Variants in FER1L6 observed in about 807,000 individuals in gnomAD.
The protein encoded by FER1L6 is fer-1 like family member 6.
A neutral mutation model predicts 219.2 loss-of-function variants in FER1L6; 177 were observed. The observed-to-expected ratio is 0.81, with a 90% CI of 0.71 to 0.91. The LOEUF is 0.91. FER1L6 is among the 40% of genes least tolerant of loss of function. The probability of loss-of-function intolerance (pLI) is 0.00; values close to 1 mark genes in which losing one functional copy is unlikely to be tolerated. For missense variants in FER1L6, 2,153 were observed against 2,259.9 expected, an observed-to-expected ratio of 0.95 and a Z score of 0.96; for synonymous variants, 768 against 824.3, an observed-to-expected ratio of 0.93 and a Z score of 1.17.
At chr8:123,855,325 C>A (rs867789292) in intron 1 of FER1L6, among the ~76,000 whole-genome samples, 1 of 152,110 alleles carries the variant, frequency 6.6e-6, no homozygotes, top group Non-Finnish European at 1.5e-5. Flanking sequence ...TTTAAAACTG[C>A]GAGCTCCTGG....
At chr8:123,976,914 C>T (rs892554518) in intron 9 of FER1L6, among the ~76,000 whole-genome samples, 3 of 152,230 alleles carry the variant, frequency 2.0e-5, no homozygotes, top group Non-Finnish European at 4.4e-5. Flanking sequence ...TTTGAAGCTT[C>T]AACTCACACA....
intron 8 of FER1L6, 55 bp from the exon 9 acceptor site, chr8:123,975,843 C>A: frequency 7.0e-7 from 1 of 1,425,040 alleles, no homozygotes; most frequent in South Asian, 1.5e-5. Flanking sequence ...CCTGTCTTTT[C>A]TCTCTGTTTC....
chr8:124,024,668 A>C (rs1818625834), intron 18 of FER1L6, among the ~76,000 whole-genome samples: 1 of 152,194 alleles, frequency 6.6e-6, no homozygotes, highest in Non-Finnish European at 1.5e-5. Flanking sequence ...TACAATAAAC[A>C]TATACGTGCT....
chr8:123,876,023 G>C (rs1344696531), intron 1 of FER1L6, among the ~76,000 whole-genome samples: 2 of 152,122 alleles, frequency 1.3e-5, no homozygotes, highest in African/African-American at 4.8e-5. Flanking sequence ...ATGTCACTCT[G>C]CTTCTAAAAG....
intron 1 of FER1L6, among the ~76,000 whole-genome samples, chr8:123,927,221 G>A (rs1813597329): frequency 6.6e-6 from 1 of 150,530 alleles, no homozygotes; most frequent in Non-Finnish European, 1.5e-5. Flanking sequence ...CTAGAAGTGA[G>A]TCAGATAGCT....
intron 22 of FER1L6, among the ~76,000 whole-genome samples, chr8:124,059,960 T>A (rs1173129622): frequency 3.9e-5 from 6 of 152,204 alleles, no homozygotes; most frequent in African/African-American, 1.4e-4. Flanking sequence ...TTGTGGTACA[T>A]CTTAAGTGCT....
rs996221404 is a variant in FER1L6 at position 123,853,991 on chromosome 8, G to C, written c.-8+1806G>C. On this transcript the variant is annotated intron_variant, in intron 1 of 40. Coordinates refer to ENST00000522917, the MANE Select transcript of FER1L6 (RefSeq NM_001039112.2). This position sits in a 1 kb window ranked among gnomAD's most constrained non-coding sequence, Gnocchi z 6.6. ...AGGGAAGCATCAGGGACCGTGATTAGAAAGTTTACGTCTGAGTGCTGGCCC... is the reference window on the plus strand; with the variant it reads ...AGGGAAGCATCAGGGACCGTGATTACAAAGTTTACGTCTGAGTGCTGGCCC... Among the ~76,000 whole-genome samples, 7 of 152,166 alleles carry C rather than the reference G, an allele frequency of 4.6e-5. No homozygotes were observed. Among genetic ancestry groups the C allele is most frequent in the African/African-American group, 1.4e-4 (6 of 41,432 alleles).
At chr8:123,963,763 T>C (rs754650619) in intron 3 of FER1L6, among the ~76,000 whole-genome samples, 79 of 152,200 alleles carry the variant, frequency 5.2e-4, no homozygotes, top group Admixed American at 1.4e-3. Flanking sequence ...AATCAGAAGG[T>C]GGTTCTTATG....
At chr8:124,045,927 G>T in intron 21 of FER1L6, 26 bp downstream of exon 21, 1 of 1,607,622 alleles carries the variant, frequency 6.2e-7, no homozygotes, top group South Asian at 1.1e-5. Flanking sequence ...GGCCAGTGCT[G>T]ACCACACCTC....
In FER1L6 at chr8:124,035,258, T is replaced by C. The variant is rs768168436; in HGVS notation, c.2287-19T>C. On this transcript the variant is annotated intron_variant, in intron 18 of 40. Transcript: ENST00000522917. ...TATCTCCTACTAATAAGTCAGTCTT[T>C]TTTGTAACCTTTCTCCAGCCTCCTG... The C allele has an allele frequency of 8.1e-6, 13 of 1,608,058 alleles. No individual in the cohort carries two copies. Among genetic ancestry groups the C allele is most frequent in the Admixed American group, 6.8e-5 (4 of 58,924 alleles).
At chr8:123,897,035 G>A (rs1812756036) in intron 1 of FER1L6, among the ~76,000 whole-genome samples, 1 of 152,082 alleles carries the variant, frequency 6.6e-6, no homozygotes, top group Admixed American at 6.6e-5. Context: ...TCTTTATTTG[G>A]TCACCCTTGA....
chr8:123,868,611 G>T (rs375625013), intron 1 of FER1L6, among the ~76,000 whole-genome samples: 4 of 152,118 alleles, frequency 2.6e-5, no homozygotes, highest in Non-Finnish European at 4.4e-5. Context: ...GCCCTCAAGT[G>T]ACCCCACTGC....
At position 123,965,926 on chromosome 8, in the gene FER1L6, A is replaced by G. The variant is rs1010948085; in HGVS notation, c.198-81A>G. 2.8e-5 allele frequency: 34 copies of G among 1,228,954 alleles called. No homozygotes were observed. The Admixed American group carries it at 6.7e-4, about 24-fold the overall frequency. 76.1% of individuals were successfully genotyped at this position (1,228,954 alleles called of 1,614,324 possible). On this transcript the variant is annotated intron_variant, in intron 3 of 40. Transcript: ENST00000522917. ...GTAATAATATTAAATGAAAGGACTT[A>G]GAAATACTTTGGAGAATATTATCAT... is the stretch of plus-strand genomic sequence containing the variant.
intron 39 of FER1L6, among the ~76,000 whole-genome samples, chr8:124,114,152 T>A (rs1295539195): frequency 6.6e-6 from 1 of 152,188 alleles, no homozygotes; most frequent in Admixed American, 6.5e-5. Flanking sequence ...TTTCTCCATT[T>A]ATTGGTTGGC....
chr8:123,855,776 A>G (rs574234217), intron 1 of FER1L6, among the ~76,000 whole-genome samples: 196 of 146,588 alleles, frequency 1.3e-3, no homozygotes, highest in African/African-American at 4.6e-3. Flanking sequence ...GTGTATATAT[A>G]TGTGTGTGTG....
intron 22 of FER1L6, among the ~76,000 whole-genome samples, chr8:124,054,332 A>G (rs746026635): frequency 1.3e-5 from 2 of 152,228 alleles, no homozygotes; most frequent in African/African-American, 2.4e-5. Flanking sequence ...TACAGTGACA[A>G]GAAAGCTTGA....
intron 1 of FER1L6, among the ~76,000 whole-genome samples, chr8:123,908,635 G>A (rs745470545): frequency 3.3e-5 from 5 of 152,138 alleles, no homozygotes; most frequent in Non-Finnish European, 7.4e-5. Context: ...CTAAGTGTAA[G>A]GATAACCATA....
At chr8:123,866,169 A>T (rs975215044) in intron 1 of FER1L6, among the ~76,000 whole-genome samples, 1 of 152,026 alleles carries the variant, frequency 6.6e-6, no homozygotes. Context: ...GATTCCACAT[A>T]TAGGTGAGAT....
chr8:124,010,147 T>A (rs1253938755), intron 13 of FER1L6, among the ~76,000 whole-genome samples: 1 of 144,966 alleles, frequency 6.9e-6, no homozygotes, highest in Non-Finnish European at 1.5e-5. Flanking sequence ...GAGCTGCAGA[T>A]CCAGGCAGGA....
Sources: allele counts gnomAD v4.1 joint callset (sites outside exome capture counted in the v4.1 genomes callset), GRCh38; gene constraint gnomAD v4.1.1; non-coding constraint Gnocchi (gnomAD v3.1); transcripts MANE v1.5; gene names NCBI Gene and HGNC (gene_info 2026-07-23, HGNC 2026-07-21).